The following BMP3 variants were observed in gnomAD, a reference collection of about 807,000 sequenced individuals.
BMP3 encodes the protein bone morphogenetic protein 3 (osteogenic).
BMP3 carries 23 observed loss-of-function variants against 38.1 expected under a neutral mutation model. The observed-to-expected ratio is 0.60, with a 90% CI of 0.43 to 0.86. BMP3 has a LOEUF of 0.86. BMP3 is among the 40% of genes least tolerant of loss of function. The pLI, the probability that BMP3 is intolerant of heterozygous loss-of-function variation, is 0.00. For synonymous variants in BMP3, 258 were observed against 225.7 expected (o/e 1.14, Z -1.28); for missense variants, 628 against 579.6 (o/e 1.08, Z -0.86).
At chr4:81,051,884 T>C (rs1411531466) in intron 2 of BMP3, among the ~76,000 whole-genome samples, 1 of 152,166 alleles carries the variant, frequency 6.6e-6, no homozygotes, top group African/African-American at 2.4e-5. Context: ...AGTCTAATTA[T>C]TTAGTTACTT....
chr4:81,033,424 A>C (rs1217296570), intron 1 of BMP3, among the ~76,000 whole-genome samples: 1 of 152,194 alleles, frequency 6.6e-6, no homozygotes, highest in Non-Finnish European at 1.5e-5. Flanking sequence ...CATAGCATCA[A>C]ATAATAAACT....
intron 2 of BMP3, among the ~76,000 whole-genome samples, chr4:81,050,141 G>A (rs533870375): frequency 1.3e-5 from 2 of 152,342 alleles, no homozygotes; most frequent in South Asian, 2.1e-4. Flanking sequence ...AAGAATTGTG[G>A]AGTAAAACTC....
intron 1 of BMP3, among the ~76,000 whole-genome samples, chr4:81,036,681 A>G (rs187079121): frequency 2.2e-4 from 34 of 152,170 alleles, no homozygotes; most frequent in Non-Finnish European, 3.7e-4. Context: ...TTGACTTTAT[A>G]TTAATCAAGT....
chr4:81,044,060 T>C (rs1052753130), intron 1 of BMP3, among the ~76,000 whole-genome samples: 1 of 152,196 alleles, frequency 6.6e-6, no homozygotes, highest in East Asian at 1.9e-4. Context: ...AGATATTGTC[T>C]CATTTTGTGA....
At chr4:81,050,968 G>C (rs1427523477) in intron 2 of BMP3, among the ~76,000 whole-genome samples, 3 of 151,684 alleles carry the variant, frequency 2.0e-5, no homozygotes, top group Non-Finnish European at 2.9e-5. Flanking sequence ...TTTTGTGCAC[G>C]ATGTAATTAT....
At position 81,055,424 on chromosome 4, in the gene BMP3, A is replaced by G. The variant is rs1023438877; in HGVS notation, c.*1888A>G. 2.0e-5 allele frequency: 3 copies of G among 152,206 alleles called. No homozygotes were observed. The highest frequency in any genetic ancestry group is 1.3e-4 in the Admixed American group (2 of 15,266). The allele number at this position is 152,206 out of a possible 1,614,324, so 9.4% of individuals were successfully genotyped here. ...TGAGTGAAGTTCTGGTGCCTGAGTT[A>G]CCATGCTTTCTTCTAGTTCTTACAG... is the stretch of plus-strand genomic sequence containing the variant. On this transcript the variant is annotated 3_prime_UTR_variant, in exon 3 of 3. Coordinates refer to ENST00000282701, the MANE Select transcript of BMP3 (RefSeq NM_001201.5).
At chr4:81,040,973 C>T (rs551450153) in intron 1 of BMP3, among the ~76,000 whole-genome samples, 8 of 151,988 alleles carry the variant, frequency 5.3e-5, no homozygotes, top group African/African-American at 1.9e-4. Flanking sequence ...TTTCAGAAGA[C>T]TAGAAAAGGT....
chr4:81,034,249 T>C (rs1320654075), intron 1 of BMP3, among the ~76,000 whole-genome samples: 2 of 26,176 alleles, frequency 7.6e-5, no homozygotes, highest in Non-Finnish European at 1.3e-3. Context: ...GCTTGTAAGT[T>C]TTTTTGTCAT....
chr4:81,033,171 G>A (rs1200804786), intron 1 of BMP3, among the ~76,000 whole-genome samples: 3 of 152,310 alleles, frequency 2.0e-5, no homozygotes, highest in African/African-American at 7.2e-5. Context: ...CTAGGGAGTA[G>A]CTGAGGCCCC....
At chr4:81,045,408 T>G (rs1740202545) in intron 1 of BMP3, among the ~76,000 whole-genome samples, 1 of 152,204 alleles carries the variant, frequency 6.6e-6, no homozygotes, top group Admixed American at 6.5e-5. Flanking sequence ...ATGGAAGTTG[T>G]CTTTTCACTT....
At chr4:81,050,774 G>A (rs540372644) in intron 2 of BMP3, among the ~76,000 whole-genome samples, 1 of 152,186 alleles carries the variant, frequency 6.6e-6, no homozygotes, top group South Asian at 2.1e-4. Context: ...TGCTATTGAA[G>A]TCGTGCTTCA....
Position 81,053,457 on chromosome 4 carries a change from T to C in BMP3, c.1340T>C (p.Ile447Thr). 1 of 1,610,396 alleles carries C rather than the reference T, an allele frequency of 6.2e-7. No homozygotes were observed. ...CVPEKMSSLS[I>T]LFFDENKNVV... is the part of the protein sequence containing the mutation. The stretch of plus-strand genomic sequence containing the variant: ...CCAGAAAAGATGTCCTCACTCAGTA[T>C]TTTATTCTTTGATGAAAATAAGAAT... Residue 447 changes from isoleucine to threonine, a missense_variant, in exon 3 of 3, where the codon ATT becomes ACT. Ile to Thr is a moderately conservative substitution (Grantham distance 89, BLOSUM62 -1). Coordinates refer to ENST00000282701, the MANE Select transcript of BMP3 (RefSeq NM_001201.5).
At chr4:81,051,905 A>T (rs1161385278) in intron 2 of BMP3, among the ~76,000 whole-genome samples, 1 of 152,180 alleles carries the variant, frequency 6.6e-6, no homozygotes, top group African/African-American at 2.4e-5. Flanking sequence ...ATGCCTAATC[A>T]CAATAAAGTT....
chr4:81,037,606 A>G (rs753123653), intron 1 of BMP3, among the ~76,000 whole-genome samples: 6 of 152,148 alleles, frequency 3.9e-5, no homozygotes, highest in Non-Finnish European at 8.8e-5. Flanking sequence ...TAGGTATTCT[A>G]ACATTCTTAA....
rs1740476231 is a variant in BMP3 at position 81,053,944 on chromosome 4, T to C, written c.*408T>C. 6.5e-6 allele frequency: 1 copy of C among 153,140 alleles called. No homozygotes were observed. 9.5% of individuals were successfully genotyped at this position (153,140 alleles called of 1,614,324 possible). A position where few individuals can be genotyped will look rare whatever the true frequency, so the allele number is the denominator to read the frequency against. Reference sequence around the variant, plus strand: ...ATAGAGAACAATTTCGCGTTTTGAATTAGGCTTATTGCCTTAGAATCCTGA... The same window carrying C: ...ATAGAGAACAATTTCGCGTTTTGAACTAGGCTTATTGCCTTAGAATCCTGA... On this transcript the variant is annotated 3_prime_UTR_variant, in exon 3 of 3. Transcript: ENST00000282701.
chr4:81,046,261 C>T lies in BMP3; in HGVS notation c.840C>T (p.Ala280=), dbSNP rs753005915. ...VPKWDSHIRA[A]LSIERRKKRS... ...AATGGGATAGCCACATCAGAGCTGCCCTTTCCATTGAGCGGAGGAAGAAGC... is the reference window on the plus strand; with the variant it reads ...AATGGGATAGCCACATCAGAGCTGCTCTTTCCATTGAGCGGAGGAAGAAGC... The change falls in exon 2 of 3, where the codon GCC becomes GCT. Residue 280 remains alanine (A), a synonymous_variant. Coordinates refer to ENST00000282701, the MANE Select transcript of BMP3 (RefSeq NM_001201.5). 4 of 1,614,030 alleles carry T rather than the reference C, an allele frequency of 2.5e-6. No homozygotes were observed. In the South Asian group the frequency reaches 4.4e-5, roughly 18 times the overall value.
At chr4:81,037,385 T>C in intron 1 of BMP3, 1 of 259,986 alleles carries the variant, frequency 3.8e-6, no homozygotes, top group Non-Finnish European at 8.0e-6. Flanking sequence ...TTGTTTTTTC[T>C]ATTACCTAAA....
chr4:81,047,947 G>GAAAAAAAAAAAAAAAAAAA (rs3042535), intron 2 of BMP3, among the ~76,000 whole-genome samples: 1 of 91,560 alleles, frequency 1.1e-5, no homozygotes, highest in African/African-American at 3.9e-5. Context: ...ACTCTGAAGA[G>GAAAAAAAAAAAAAAAAAAA]AAAAAAAAAA....
In BMP3 at chr4:81,030,757, G is replaced by A. The variant is rs6535231; in HGVS notation, c.-528G>A. ...CACGCACACACGCGCGCGCGCGCGC[G>A]CACACACACACACACGTACACTAAA... On this transcript the variant is annotated 5_prime_UTR_variant, in exon 1 of 3. Coordinates refer to ENST00000282701, the MANE Select transcript of BMP3 (RefSeq NM_001201.5). Among the ~76,000 whole-genome samples the A allele has an allele frequency of 0.94, 138,888 of 148,444 alleles. 65,097 individuals carry two copies. Among genetic ancestry groups the A allele is most frequent in the East Asian group, 1 (4,786 of 4,790 alleles).
Sources: allele counts gnomAD v4.1 joint callset (sites outside exome capture counted in the v4.1 genomes callset), GRCh38; gene constraint gnomAD v4.1.1; transcripts MANE v1.5; gene names NCBI Gene and HGNC (gene_info 2026-07-23, HGNC 2026-07-21).